The following DGKH variants were observed in gnomAD, a reference collection of about 807,000 sequenced individuals.
DGKH encodes the protein diacylglycerol kinase eta.
A neutral mutation model predicts 159.3 loss-of-function variants in DGKH; 90 were observed. That is an observed-to-expected ratio of 0.57 (90% CI 0.48 to 0.67). The LOEUF (loss-of-function observed/expected upper bound fraction) is 0.67, where lower values mean the gene tolerates loss of function less well. DGKH is among the 30% of genes least tolerant of loss of function. The pLI is 0.00. For synonymous variants in DGKH, 536 were observed against 553.8 expected (o/e 0.97, Z 0.45); for missense variants, 1,181 against 1,506.1 (o/e 0.78, Z 3.57).
chr13:42,196,658 T>G (rs1957210173), intron 17 of DGKH, among the ~76,000 whole-genome samples: 1 of 152,184 alleles, frequency 6.6e-6, no homozygotes, highest in Admixed American at 6.5e-5. Context: ...AGCTAGTGGG[T>G]ACACCGTTAC....
At chr13:42,152,450 TACAC>T (rs1005783321) in intron 3 of DGKH, among the ~76,000 whole-genome samples, 58 of 148,948 alleles carry the variant, frequency 3.9e-4, no homozygotes, top group Non-Finnish European at 6.7e-4. Context: ...TATATATACA[TACAC>T]ACACATATAT....
chr13:42,243,915 A>T (rs1386829130), downstream of DGKH, among the ~76,000 whole-genome samples: 1 of 152,138 alleles, frequency 6.6e-6, no homozygotes, highest in East Asian at 1.9e-4. Context: ...GATCGGTTAG[A>T]GGTTATGAAA....
In DGKH at chr13:42,151,533, A is replaced by ATATATATACACGTG. The variant is rs1555266604; in HGVS notation, c.385-3750_385-3749insCACGTGTATATATA. ...TACACATGTATATATATACACGTGT[A>ATATATATACACGTG]TATATATATATACACGTGTATATAT... On this transcript the variant is annotated intron_variant, in intron 3 of 29. Coordinates refer to ENST00000337343, the MANE Select transcript of DGKH (RefSeq NM_178009.5). Among the ~76,000 whole-genome samples, 36 of 43,646 alleles carry ATATATATACACGTG rather than the reference A, an allele frequency of 8.2e-4. 2 individuals carry two copies. The South Asian group carries it at 9.0e-3, about 11-fold the overall frequency. 28.6% of individuals were successfully genotyped at this position (43,646 alleles called of 152,430 possible). A position where few individuals can be genotyped will look rare whatever the true frequency, so the allele number is the denominator to read the frequency against.
chr13:42,213,010 T>A (rs1012168305), intron 24 of DGKH, among the ~76,000 whole-genome samples: 3 of 152,002 alleles, frequency 2.0e-5, no homozygotes, highest in Admixed American at 1.3e-4. Flanking sequence ...GAGTTTGGGG[T>A]GACTGAAAGG....
At chr13:42,112,849 A>G (rs374076294) in intron 1 of DGKH, among the ~76,000 whole-genome samples, 2 of 152,150 alleles carry the variant, frequency 1.3e-5, no homozygotes, top group South Asian at 2.1e-4. Flanking sequence ...GGATGGACAT[A>G]TCACAAAAGG....
At chr13:42,086,469 G>A (rs193088720) in intron 1 of DGKH, among the ~76,000 whole-genome samples, 1 of 152,162 alleles carries the variant, frequency 6.6e-6, no homozygotes, top group East Asian at 1.9e-4. Context: ...TTATGGTTTT[G>A]TATACTGAGG....
At chr13:42,049,187 A>C (rs1011703604) in intron 1 of DGKH, among the ~76,000 whole-genome samples, 1 of 1,230 alleles carries the variant, frequency 8.1e-4, no homozygotes. Context: ...CGGGGCGGGG[A>C]GGGGTGGGGC....
Position 42,240,150 on chromosome 13 carries a change from T to C in DGKH, c.*10962T>C, listed in dbSNP as rs901936302. 6.6e-6 allele frequency: 1 copy of C among 152,218 alleles called. No homozygotes were observed. Among genetic ancestry groups the C allele is most frequent in the Non-Finnish European group, 1.5e-5 (1 of 68,032 alleles). 9.4% of individuals were successfully genotyped at this position (152,218 alleles called of 1,614,324 possible). On this transcript the variant is annotated 3_prime_UTR_variant, in exon 30 of 30. Transcript: ENST00000337343. ...CTACACATAATAGGACTTTGATAAA[T>C]ATTTTTGAATGAAGGTAATAGAAAA...
At chr13:42,142,951 G>C (rs1219716286) in intron 3 of DGKH, among the ~76,000 whole-genome samples, 1 of 152,176 alleles carries the variant, frequency 6.6e-6, no homozygotes, top group Non-Finnish European at 1.5e-5. Flanking sequence ...GGAGTGGTGA[G>C]AGAGGGCATC....
At chr13:42,087,031 AT>A (rs1954316616) in intron 1 of DGKH, among the ~76,000 whole-genome samples, 1 of 141,824 alleles carries the variant, frequency 7.1e-6, no homozygotes, top group African/African-American at 2.6e-5. Flanking sequence ...GAGGAAAGAA[AT>A]GCCAGAAGGA....
At chr13:42,127,614 G>C in intron 2 of DGKH, 41 bp downstream of exon 2, 1 of 1,561,032 alleles carries the variant, frequency 6.4e-7, no homozygotes, top group South Asian at 1.1e-5. Context: ...TTGAGGCTAT[G>C]GATGGATGTA....
chr13:42,093,836 G>A (rs1954470271), intron 1 of DGKH, among the ~76,000 whole-genome samples: 3 of 152,168 alleles, frequency 2.0e-5, no homozygotes, highest in Admixed American at 2.0e-4. Context: ...AAGTAGGATG[G>A]TAGTTGCCAG....
intron 1 of DGKH, among the ~76,000 whole-genome samples, chr13:42,098,371 C>T (rs962411183): frequency 6.6e-6 from 1 of 152,008 alleles, no homozygotes; most frequent in Non-Finnish European, 1.5e-5. Flanking sequence ...CCTGTGGTCC[C>T]AGCTACTCGG....
Position 42,184,991 on chromosome 13 carries a change from C to T in DGKH, c.1539-2058C>T, listed in dbSNP as rs546440300. ...TCTACTTTCATTTATTTGACTTTTG[C>T]ACATATTTTCTGGAAGTCTTATGTA... On this transcript the variant is annotated intron_variant, in intron 13 of 29. Transcript: ENST00000337343. 1.3e-4 allele frequency among the ~76,000 whole-genome samples: 19 copies of T among 151,744 alleles called. No homozygotes were observed. In the South Asian group the frequency reaches 2.5e-3, roughly 20 times the overall value.
At chr13:42,167,417 C>T (rs1188930800) in intron 9 of DGKH, among the ~76,000 whole-genome samples, 3 of 152,178 alleles carry the variant, frequency 2.0e-5, no homozygotes, top group Non-Finnish European at 4.4e-5. Flanking sequence ...GATACCAGTG[C>T]CTGAAAAGGC....
intron 29 of DGKH, chr13:42,225,420 C>A (rs1958099343): frequency 1.7e-6 from 2 of 1,192,340 alleles, no homozygotes; most frequent in East Asian, 2.7e-5. Flanking sequence ...AACTGAATAT[C>A]TACAAAGCAT....
chr13:42,190,258 C>G, intron 15 of DGKH, 145 bp from the exon 16 acceptor site: 1 of 892,148 alleles, frequency 1.1e-6, no homozygotes, highest in Non-Finnish European at 1.6e-6. Context: ...GGACATCAAC[C>G]CCAAGTTCAT....
At chr13:42,091,284 C>T (rs1344887380) in intron 1 of DGKH, among the ~76,000 whole-genome samples, 9 of 151,852 alleles carry the variant, frequency 5.9e-5, no homozygotes, top group Non-Finnish European at 1.0e-4. Context: ...GACACCAAAA[C>T]ATAGATAATA....
chr13:42,147,230 G>A (rs1566130211), intron 3 of DGKH, among the ~76,000 whole-genome samples: 2 of 152,228 alleles, frequency 1.3e-5, no homozygotes, highest in South Asian at 2.1e-4. Context: ...TGGTAGTGGG[G>A]GTTGTGAAAA....
Sources: allele counts gnomAD v4.1 joint callset (sites outside exome capture counted in the v4.1 genomes callset), GRCh38; gene constraint gnomAD v4.1.1; transcripts MANE v1.5; gene names NCBI Gene and HGNC (gene_info 2026-07-23, HGNC 2026-07-21).